Variants in ANGPTL2 observed in about 807,000 individuals in gnomAD.
The protein encoded by ANGPTL2 is angiopoietin like 2.
In ANGPTL2, 25 loss-of-function variants were observed where a neutral mutation model predicts 52.8. The observed-to-expected ratio is 0.47, with a 90% CI of 0.35 to 0.66. The LOEUF is 0.66. Among genes scored for constraint, ANGPTL2 ranks in the 30% least tolerant of loss-of-function variants. The pLI, the probability that ANGPTL2 is intolerant of heterozygous loss-of-function variation, is 0.01. For missense variants in ANGPTL2, 546 were observed against 656.9 expected (o/e 0.83, Z 1.84); for synonymous variants, 276 against 277.4 (o/e 1.00, Z 0.05).
At chr9:127,119,813 T>C (rs2055856072) in intron 1 of ANGPTL2, among the ~76,000 whole-genome samples, 1 of 152,178 alleles carries the variant, frequency 6.6e-6, no homozygotes, top group African/African-American at 2.4e-5. Flanking sequence ...GTCCCATTTT[T>C]TTTGCCAAGC....
chr9:127,089,621 CAAAG>C (rs2052210990), intron 4 of ANGPTL2, among the ~76,000 whole-genome samples: 1 of 152,134 alleles, frequency 6.6e-6, no homozygotes, highest in Non-Finnish European at 1.5e-5. Flanking sequence ...TAAAGAATGA[CAAAG>C]AAAGTGTTTA....
intron 4 of ANGPTL2, among the ~76,000 whole-genome samples, chr9:127,090,468 G>A (rs1424448425): frequency 6.6e-6 from 1 of 152,230 alleles, no homozygotes; most frequent in Non-Finnish European, 1.5e-5. Flanking sequence ...AGTGTCAGTG[G>A]GCGGACAGAG....
intron 2 of ANGPTL2, among the ~76,000 whole-genome samples, chr9:127,099,316 A>T (rs11793399): frequency 0.37 from 56,975 of 152,118 alleles, 12,507 homozygotes; most frequent in Non-Finnish European, 0.48. Context: ...TATCACTAAG[A>T]TGCAGTCTGC....
chr9:127,103,747 G>A (rs533574033), intron 2 of ANGPTL2, among the ~76,000 whole-genome samples: 2 of 152,134 alleles, frequency 1.3e-5, no homozygotes, highest in African/African-American at 4.8e-5. Flanking sequence ...TCATTTTAAG[G>A]AACTGTTTGG....
rs1216859509 is a variant in ANGPTL2, at chr9:127,114,768, CTG to C, written c.-49-5990_-49-5989del. ...GCCTCTGCCAAGGCAGTCAGGGAAT[CTG>C]GAACTGCCAGCTGGCCCCTGACGTC... On this transcript the variant is annotated intron_variant, in intron 1 of 4. Transcript: ENST00000373425. Among the ~76,000 whole-genome samples, 3 of 152,256 alleles carry C rather than the reference CTG, an allele frequency of 2.0e-5. No individual in the cohort carries two copies. In the East Asian group the frequency reaches 5.8e-4, roughly 29 times the overall value.
Position 127,108,697 on chromosome 9 carries a change from C to G in ANGPTL2, c.35G>C (p.Gly12Ala). The change falls in exon 2 of 5, where the codon GGA becomes GCA. Residue 12 changes from glycine (G) to alanine (A), a missense_variant. By Grantham distance (60) the Gly-to-Ala change is moderately conservative (BLOSUM62 0). Around this residue, in one of 2 missense-constraint regions of ANGPTL2, gnomAD observed 285 missense variants for 295.8 expected, o/e 0.96. Transcript: ENST00000373425. ...AACAGCTCCCATGGCAGCCAGCAGT[C>G]CGAGCCACCAGCATGTCACGCACAG... ...RPLCVTCWWLGLLAAMGAVAG... is the reference protein window; with the variant it reads ...RPLCVTCWWLALLAAMGAVAG... The G allele has an allele frequency of 6.2e-7, 1 of 1,612,682 alleles. No individual in the cohort carries two copies. The highest frequency in any genetic ancestry group is 8.5e-7 in the Non-Finnish European group (1 of 1,179,402).
chr9:127,106,575 T>G (rs1178943038), intron 2 of ANGPTL2, among the ~76,000 whole-genome samples: 1 of 152,190 alleles, frequency 6.6e-6, no homozygotes, highest in South Asian at 2.1e-4. Context: ...TTGCCTAATG[T>G]CCCAGAGCTA....
At chr9:127,089,683 A>G (rs79539900) in intron 4 of ANGPTL2, among the ~76,000 whole-genome samples, 2,408 of 152,332 alleles carry the variant, frequency 0.016, 67 homozygotes, top group African/African-American at 0.055. Context: ...CCATCCAAAC[A>G]ATTTTTTGTA....
chr9:127,089,261 T>A, intron 4 of ANGPTL2, 123 bp from the exon 5 acceptor site: 1 of 992,206 alleles, frequency 1.0e-6, no homozygotes, highest in Non-Finnish European at 1.5e-6. Flanking sequence ...GCTTGAAAGG[T>A]GGACCCGTCT....
At position 127,091,984 on chromosome 9, in the gene ANGPTL2, C is replaced by T. The variant is rs2052538942; in HGVS notation, c.1012-44G>A. On this transcript the variant is annotated intron_variant, in intron 3 of 4. Transcript: ENST00000373425. This position sits in a 1 kb window ranked among gnomAD's most constrained non-coding sequence, Gnocchi z 4.3. ...AGTGTTAATGTGGAGCCTGCAGCAC[C>T]TGCAGCCAGCAGGCTTGGCTGTCAG... is the stretch of plus-strand genomic sequence containing the variant. The T allele has an allele frequency of 6.3e-7, 1 of 1,595,538 alleles. No individual in the cohort carries two copies. The highest frequency in any genetic ancestry group is 1.3e-5 in the African/African-American group (1 of 74,440).
intron 2 of ANGPTL2, among the ~76,000 whole-genome samples, chr9:127,095,108 T>A (rs560700467): frequency 6.6e-6 from 1 of 152,292 alleles, no homozygotes; most frequent in East Asian, 1.9e-4. Context: ...TTCAAAATAT[T>A]CCTCATAGGG....
At chr9:127,103,202 T>C (rs2053903182) in intron 2 of ANGPTL2, among the ~76,000 whole-genome samples, 1 of 152,212 alleles carries the variant, frequency 6.6e-6, no homozygotes, top group Admixed American at 6.5e-5. Context: ...GGAACCACAA[T>C]CGTGTACGTA....
In ANGPTL2 at chr9:127,108,222, C is replaced by T. The variant is rs778681253; in HGVS notation, c.510G>A (p.Leu170=). 1 of 1,614,074 alleles carries T rather than the reference C, an allele frequency of 6.2e-7. No individual in the cohort carries two copies. Among genetic ancestry groups the T allele is most frequent in the Admixed American group, 1.7e-5 (1 of 60,018 alleles). The part of the protein sequence containing the change: ...NRILNQTADM[L]QLASKYKDLE... The stretch of plus-strand genomic sequence containing the variant: ...GGTCCTTGTACTTGCTGGCCAGCTG[C>T]AGCATGTCGGCTGTCTGGTTCAGGA... Residue 170 remains leucine, a synonymous_variant, in exon 2 of 5, where the codon CTG becomes CTA. Transcript: ENST00000373425.
chr9:127,089,509 C>T (rs567561856), intron 4 of ANGPTL2, among the ~76,000 whole-genome samples: 7 of 152,300 alleles, frequency 4.6e-5, no homozygotes, highest in African/African-American at 1.4e-4. Context: ...AACTCCACAC[C>T]TTGTGTTCTG....
chr9:127,105,662 C>T (rs2054148268), intron 2 of ANGPTL2, among the ~76,000 whole-genome samples: 1 of 152,182 alleles, frequency 6.6e-6, no homozygotes, highest in Non-Finnish European at 1.5e-5. Context: ...TCACTGCATT[C>T]CTGATTTTAG....
rs1589520137 is a variant in ANGPTL2, at chr9:127,108,273, C to T, written c.459G>A (p.Leu153=). The T allele has an allele frequency of 6.2e-7, 1 of 1,613,974 alleles. No homozygotes were observed. The highest frequency in any genetic ancestry group is 8.5e-7 in the Non-Finnish European group (1 of 1,179,976). ...TCCTGTTCTCCAGCTGGGAGAGCTC[C>T]AACGCGTTGTCCCGCTTGCGGATGA... is the stretch of plus-strand genomic sequence containing the variant. ...HEIIRKRDNA[L]ELSQLENRIL... is the part of the protein sequence containing the mutation. The change falls in exon 2 of 5, where the codon TTG becomes TTA. Residue 153 remains leucine, a synonymous_variant. Transcript: ENST00000373425.
Position 127,089,092 on chromosome 9 carries a change from A to G in ANGPTL2, c.1329T>C (p.Cys443=). ...YQKGGWWYNA[C]AHSNLNGVWY... ...AGACCCCGTTGAGGTTGGAGTGGGC[A>G]CAGGCGTTATACCACCAGCCTCCCT... Residue 443 remains cysteine (C), a synonymous_variant, in exon 5 of 5, where the codon TGT becomes TGC. Transcript: ENST00000373425. 2 of 1,614,244 alleles carry G rather than the reference A, an allele frequency of 1.2e-6. No individual in the cohort carries two copies. The highest frequency in any genetic ancestry group is 1.7e-6 in the Non-Finnish European group (2 of 1,180,046).
In ANGPTL2 at chr9:127,088,883, C is replaced by G; in HGVS notation, c.*56G>C. 2.5e-6 allele frequency: 4 copies of G among 1,599,768 alleles called. No homozygotes were observed. The South Asian group carries it at 4.4e-5, about 18-fold the overall frequency. On this transcript the variant is annotated 3_prime_UTR_variant, in exon 5 of 5. Transcript: ENST00000373425. ...GAGTTGTTCTTTGTGCTGTGGCCAG[C>G]GTGACCAGGGTGGGCTCCTGGCAAT...
rs138269816 is a variant in ANGPTL2, at chr9:127,114,279, G to A, written c.-49-5499C>T. ...CACAAAGATACTTTTAAGGCTAACA[G>A]CAAAGCTGACATTTATCCCTATTTG... On this transcript the variant is annotated intron_variant, in intron 1 of 4. Transcript: ENST00000373425. Among the ~76,000 whole-genome samples the A allele has an allele frequency of 1.5e-4, 23 of 152,274 alleles. No homozygotes were observed. In the East Asian group the frequency reaches 3.5e-3, roughly 23 times the overall value.
Sources: gnomAD v4.1 joint callset for allele counts (sites outside exome capture counted in the v4.1 genomes callset) on GRCh38, gnomAD v4.1.1 for gene constraint, gnomAD v4.1.1 regional missense constraint, Gnocchi (gnomAD v3.1) non-coding constraint, MANE v1.5 for transcripts, NCBI Gene and HGNC (gene_info 2026-07-23, HGNC 2026-07-21) for gene names.